The following GMDS variants were observed in gnomAD, a reference collection of about 807,000 sequenced individuals.
GMDS encodes the protein GDP-mannose 4,6-dehydratase.
GMDS carries 20 observed loss-of-function variants against 49.9 expected under a neutral mutation model. That is an observed-to-expected ratio of 0.40 (90% CI 0.28 to 0.58). The LOEUF is 0.58. Ranked by LOEUF, GMDS falls within the 20% of genes least tolerant of loss-of-function variation. The pLI, the probability that GMDS is intolerant of heterozygous loss-of-function variation, is 0.42. For synonymous variants in GMDS, 177 were observed against 178.6 expected (o/e 0.99, Z 0.07); for missense variants, 362 against 481.4 (o/e 0.75, Z 2.32).
chr6:2,057,132 G>C (rs1390375278), intron 4 of GMDS, among the ~76,000 whole-genome samples: 1 of 152,136 alleles, frequency 6.6e-6, no homozygotes, highest in African/African-American at 2.4e-5. Context: ...GTGCCTGCTT[G>C]GTAATGCCTT....
intron 7 of GMDS, among the ~76,000 whole-genome samples, chr6:1,868,005 T>C (rs9405152): frequency 0.46 from 69,650 of 150,844 alleles, 19,405 homozygotes; most frequent in Non-Finnish European, 0.62. Flanking sequence ...TTTTTTTTTT[T>C]CCCTGGAGTC....
chr6:1,864,213 G>A, intron 7 of GMDS, among the ~76,000 whole-genome samples: 1 of 152,086 alleles, frequency 6.6e-6, no homozygotes, highest in East Asian at 1.9e-4. Flanking sequence ...TTTTATAGCA[G>A]AGATTTGGGA....
At chr6:1,769,060 T>TA (rs531798387) in intron 7 of GMDS, among the ~76,000 whole-genome samples, 32 of 152,348 alleles carry the variant, frequency 2.1e-4, no homozygotes, top group Middle Eastern at 3.4e-3. Flanking sequence ...TACTCAGTGA[T>TA]AAAAAATTAT....
chr6:1,644,524 A>G (rs1763429969), intron 9 of GMDS, among the ~76,000 whole-genome samples: 1 of 152,110 alleles, frequency 6.6e-6, no homozygotes, highest in Non-Finnish European at 1.5e-5. Context: ...CAAGTTCCCC[A>G]GCTGAAATTC....
intron 1 of GMDS, among the ~76,000 whole-genome samples, chr6:2,210,476 C>A (rs1350512672): frequency 6.6e-6 from 1 of 152,124 alleles, no homozygotes; most frequent in East Asian, 1.9e-4. Flanking sequence ...TGTAACGCAG[C>A]CCCAGGAGTG....
chr6:1,821,005 A>G (rs1770864037), intron 7 of GMDS, among the ~76,000 whole-genome samples: 1 of 152,156 alleles, frequency 6.6e-6, no homozygotes, highest in African/African-American at 2.4e-5. Flanking sequence ...ACACATGTAT[A>G]TTTTTAAGTT....
chr6:1,998,883 T>TC (rs1554143648), intron 4 of GMDS, among the ~76,000 whole-genome samples: 1 of 151,406 alleles, frequency 6.6e-6, no homozygotes, highest in Non-Finnish European at 1.5e-5. Context: ...CTGTTTTTTT[T>TC]AAAACAAAAA....
chr6:1,966,771 T>C (rs1295853539), intron 4 of GMDS, among the ~76,000 whole-genome samples: 3 of 152,216 alleles, frequency 2.0e-5, no homozygotes, highest in African/African-American at 2.4e-5. Flanking sequence ...TTCTTTCCCA[T>C]GGCCCCTCCC....
At chr6:1,865,825 C>A (rs2113793612) in intron 7 of GMDS, among the ~76,000 whole-genome samples, 1 of 152,190 alleles carries the variant, frequency 6.6e-6, no homozygotes, top group African/African-American at 2.4e-5. Context: ...TTTATATCTC[C>A]TCACACCACA....
intron 7 of GMDS, among the ~76,000 whole-genome samples, chr6:1,811,684 GAAAGATGC>G (rs963732795): frequency 2.0e-5 from 3 of 151,308 alleles, no homozygotes; most frequent in Admixed American, 6.6e-5. Flanking sequence ...GTGCCTCACT[GAAAGATGC>G]AAATACTGCT....
At position 1,766,082 on chromosome 6, in the gene GMDS, C is replaced by G. The variant is rs367703041; in HGVS notation, c.772-23496G>C. Among the ~76,000 whole-genome samples the G allele has an allele frequency of 1.7e-3, 263 of 152,236 alleles. 1 individual carries two copies. The highest frequency in any genetic ancestry group is 3.4e-3 in the Admixed American group (52 of 15,304). On this transcript the variant is annotated intron_variant, in intron 7 of 10. Coordinates refer to ENST00000380815, the MANE Select transcript of GMDS (RefSeq NM_001500.4). The surrounding 1 kb of genome is among the most constrained non-coding windows in gnomAD (Gnocchi z 4.5). ...GCAGAGCGGCTGCACTATATGAAAA[C>G]GACACATGTGAAATGGAGGGTGGGT...
At chr6:1,719,672 A>G (rs907667421) in intron 9 of GMDS, among the ~76,000 whole-genome samples, 1 of 151,908 alleles carries the variant, frequency 6.6e-6, no homozygotes, top group African/African-American at 2.4e-5. Context: ...TACAGAGGTC[A>G]TCGGCCAAAG....
At chr6:1,652,774 C>A in intron 9 of GMDS, among the ~76,000 whole-genome samples, 1 of 98,050 alleles carries the variant, frequency 1.0e-5, no homozygotes, top group Non-Finnish European at 1.9e-5. Flanking sequence ...AGACAGACAC[C>A]TTAATAAACT....
chr6:1,668,276 A>AG (rs1271009622), intron 9 of GMDS, among the ~76,000 whole-genome samples: 1 of 152,264 alleles, frequency 6.6e-6, no homozygotes, highest in East Asian at 1.9e-4. Flanking sequence ...ATGCTAAAAT[A>AG]GGATACTGGA....
intron 4 of GMDS, among the ~76,000 whole-genome samples, chr6:2,018,775 T>C (rs1224440516): frequency 6.6e-6 from 1 of 152,200 alleles, no homozygotes; most frequent in East Asian, 1.9e-4. Flanking sequence ...TTGGCTATTA[T>C]GAATAATGCT....
At chr6:1,652,473 ATATAT>A (rs1298710775) in intron 9 of GMDS, among the ~76,000 whole-genome samples, 4 of 10,308 alleles carry the variant, frequency 3.9e-4, no homozygotes, top group Admixed American at 2.4e-3. Context: ...AATATATTAT[ATATAT>A]TATATATAAT....
intron 1 of GMDS, among the ~76,000 whole-genome samples, chr6:2,134,636 A>G (rs1775904221): frequency 6.6e-6 from 1 of 152,172 alleles, no homozygotes; most frequent in Admixed American, 6.5e-5. Flanking sequence ...TCTAATCTTA[A>G]AATACTTAAA....
chr6:1,913,586 AG>A (rs1220966172), intron 7 of GMDS, among the ~76,000 whole-genome samples: 1 of 152,190 alleles, frequency 6.6e-6, no homozygotes, highest in East Asian at 1.9e-4. Context: ...AGGGAAAAAA[AG>A]GCTATGTCAA....
At chr6:1,809,671 A>G (rs748880520) in intron 7 of GMDS, among the ~76,000 whole-genome samples, 8 of 152,216 alleles carry the variant, frequency 5.3e-5, no homozygotes, top group Non-Finnish European at 1.0e-4. Flanking sequence ...CCAACTGTGT[A>G]AATTAAAGAA....
Sources: allele counts gnomAD v4.1 joint callset (sites outside exome capture counted in the v4.1 genomes callset), GRCh38; gene constraint gnomAD v4.1.1; non-coding constraint Gnocchi (gnomAD v3.1); transcripts MANE v1.5; gene names NCBI Gene and HGNC (gene_info 2026-07-23, HGNC 2026-07-21).